FAXDC2: variants seen among roughly 807,000 people sequenced by gnomAD.
FAXDC2 encodes the protein fatty acid hydroxylase domain-containing protein 2.
FAXDC2 carries 41 observed loss-of-function variants against 40.9 expected under a neutral mutation model. That is an observed-to-expected ratio of 1.00 (90% CI 0.78 to 1.30). The LOEUF (loss-of-function observed/expected upper bound fraction) is 1.30. FAXDC2 is among the 50% of genes most tolerant of loss of function. The pLI, the probability that FAXDC2 is intolerant of heterozygous loss-of-function variation, is 0.00. For missense variants in FAXDC2, 390 were observed against 408.8 expected (o/e 0.95, Z 0.40); for synonymous variants, 157 against 149.3 (o/e 1.05, Z -0.38).
At chr5:154,826,546 A>G (rs1311100730) in intron 5 of FAXDC2, among the ~76,000 whole-genome samples, 1 of 149,658 alleles carries the variant, frequency 6.7e-6, no homozygotes, top group East Asian at 1.9e-4. Context: ...AAAAAAAAAA[A>G]GAAAAGAAAA....
At position 154,831,007 on chromosome 5, in the gene FAXDC2, T is replaced by C. The variant is rs1007470184; in HGVS notation, c.245-85A>G. 3 of 1,517,704 alleles carry C rather than the reference T, an allele frequency of 2.0e-6. No homozygotes were observed. In the African/African-American group the frequency reaches 4.1e-5, roughly 21 times the overall value. The allele number at this position is 1,517,704 out of a possible 1,614,324, so 94.0% of individuals were successfully genotyped here. On this transcript the variant is annotated intron_variant, in intron 4 of 8. Transcript: ENST00000326080. ...ACAGAACATACTTTTTTGTGGTGAC[T>C]GAGGCTTCATCCTAGACATTTCTTT...
intron 5 of FAXDC2, among the ~76,000 whole-genome samples, chr5:154,827,759 A>G (rs2113134048): frequency 6.6e-6 from 1 of 151,922 alleles, no homozygotes; most frequent in South Asian, 2.1e-4. Flanking sequence ...TGTTGCCCAG[A>G]CTGGTCTCAA....
chr5:154,847,014 A>G (rs1760615946), intron 1 of FAXDC2, among the ~76,000 whole-genome samples: 1 of 151,996 alleles, frequency 6.6e-6, no homozygotes, highest in Non-Finnish European at 1.5e-5. Context: ...CCGAGACTGA[A>G]GTACAATGGC....
chr5:154,834,835 C>T lies in FAXDC2; in HGVS notation c.140+8G>A, dbSNP rs776900436. ...ACACTGCACCCTAGCTGGGTGGAGC[C>T]GACTTACCATGTCACTGAGTTCCAG... On this transcript the variant is annotated splice_region_variant and intron_variant, in intron 3 of 8. Transcript: ENST00000326080. 1.9e-5 allele frequency: 31 copies of T among 1,609,008 alleles called. No individual in the cohort carries two copies. The highest frequency in any genetic ancestry group is 1.6e-4 in the Middle Eastern group (1 of 6,080).
At chr5:154,823,314 TCA>T in intron 6 of FAXDC2, 71 bp downstream of exon 6, 1 of 1,428,940 alleles carries the variant, frequency 7.0e-7, no homozygotes, top group South Asian at 1.2e-5. Flanking sequence ...GCACCTGGCC[TCA>T]GTTTCCTTGT....
chr5:154,846,287 T>TGTGTGC (rs1554094795), intron 1 of FAXDC2, among the ~76,000 whole-genome samples: 1 of 151,990 alleles, frequency 6.6e-6, no homozygotes, highest in East Asian at 1.9e-4. Flanking sequence ...TGTGTGTGTG[T>TGTGTGC]GTGTGTGTGT....
chr5:154,841,532 G>T (rs1760474300), intron 1 of FAXDC2, among the ~76,000 whole-genome samples: 1 of 152,070 alleles, frequency 6.6e-6, no homozygotes, highest in African/African-American at 2.4e-5. Flanking sequence ...CCACAACTAG[G>T]ACAACAGACA....
intron 1 of FAXDC2, among the ~76,000 whole-genome samples, chr5:154,848,242 G>T (rs529716133): frequency 6.6e-6 from 1 of 152,126 alleles, no homozygotes; most frequent in East Asian, 1.9e-4. Context: ...TACTCTTAGA[G>T]GGGGGAGAAA....
At chr5:154,828,701 A>C (rs1582525377) in intron 5 of FAXDC2, among the ~76,000 whole-genome samples, 2 of 151,200 alleles carry the variant, frequency 1.3e-5, no homozygotes, top group East Asian at 2.0e-4. Flanking sequence ...GGTTCAAGTG[A>C]TCCTCCTGCC....
chr5:154,828,772 AT>A (rs1008185827), intron 5 of FAXDC2, among the ~76,000 whole-genome samples: 22 of 150,546 alleles, frequency 1.5e-4, no homozygotes, highest in African/African-American at 5.1e-4. Flanking sequence ...AATTAAAATA[AT>A]TTTTTTTGTA....
chr5:154,847,587 A>G lies in FAXDC2; in HGVS notation c.-1+2896T>C, dbSNP rs576700973. Among the ~76,000 whole-genome samples the G allele has an allele frequency of 8.1e-5, 12 of 148,194 alleles. No homozygotes were observed. The South Asian group carries it at 2.5e-3, about 31-fold the overall frequency. On this transcript the variant is annotated intron_variant, in intron 1 of 8. Transcript: ENST00000326080. ...ACTGCAGCCTCTGCCTCCCGGGTTC[A>G]AGCGATTCTCCTGCCTCAGCCTCCT...
At chr5:154,831,431 T>C (rs564773225) in intron 4 of FAXDC2, 1 of 151,960 alleles carries the variant, frequency 6.6e-6, no homozygotes, top group Admixed American at 6.6e-5. Flanking sequence ...AAACTCATCG[T>C]TGTTTTTTTT....
At chr5:154,839,362 G>T (rs904876811) in intron 1 of FAXDC2, among the ~76,000 whole-genome samples, 1 of 151,706 alleles carries the variant, frequency 6.6e-6, no homozygotes, top group Non-Finnish European at 1.5e-5. Flanking sequence ...TACGTCTGAG[G>T]CTGGGTGCAG....
At chr5:154,824,798 T>G (rs1759980431) in intron 5 of FAXDC2, 1 of 476,964 alleles carries the variant, frequency 2.1e-6, no homozygotes, top group Non-Finnish European at 3.8e-6. Flanking sequence ...TATAAAAACA[T>G]ATATATCAGG....
chr5:154,821,150 C>T, intron 8 of FAXDC2, 110 bp downstream of exon 8: 1 of 922,590 alleles, frequency 1.1e-6, no homozygotes, highest in Non-Finnish European at 1.7e-6. Context: ...GACCTCTTCC[C>T]CAACTAGCAC....
chr5:154,844,418 T>C (rs920840958), intron 1 of FAXDC2, among the ~76,000 whole-genome samples: 1 of 150,668 alleles, frequency 6.6e-6, no homozygotes, highest in East Asian at 1.9e-4. Flanking sequence ...CAAGTACATA[T>C]AGAGACTGAG....
chr5:154,825,090 C>G (rs1342778723), intron 5 of FAXDC2, among the ~76,000 whole-genome samples: 2 of 148,072 alleles, frequency 1.4e-5, no homozygotes, highest in African/African-American at 5.0e-5. Flanking sequence ...AAGGGCCAGT[C>G]GCTGTGGCTT....
intron 1 of FAXDC2, among the ~76,000 whole-genome samples, chr5:154,847,416 G>T (rs1474189350): frequency 1.3e-5 from 2 of 152,020 alleles, no homozygotes; most frequent in African/African-American, 4.8e-5. Flanking sequence ...AAGGAATACA[G>T]ACGGTTTAAT....
rs1376181434 is a variant in FAXDC2, at chr5:154,819,395, C to T, written c.*921G>A. 2 of 152,078 alleles carry T rather than the reference C, an allele frequency of 1.3e-5. No individual in the cohort carries two copies. Among genetic ancestry groups the T allele is most frequent in the Non-Finnish European group, 2.9e-5 (2 of 68,008 alleles). 9.4% of individuals were successfully genotyped at this position (152,078 alleles called of 1,614,324 possible). A position where few individuals can be genotyped will look rare whatever the true frequency, so the allele number is the denominator to read the frequency against. ...CATTCGGGGGAGAAAGGATTTTGCT[C>T]TTTGCTCTGCCATGTTTTTCCGGGC... is the stretch of plus-strand genomic sequence containing the variant. On this transcript the variant is annotated 3_prime_UTR_variant, in exon 9 of 9. Coordinates refer to ENST00000326080, the MANE Select transcript of FAXDC2 (RefSeq NM_032385.5).
Sources: allele counts gnomAD v4.1 joint callset (sites outside exome capture counted in the v4.1 genomes callset), GRCh38; gene constraint gnomAD v4.1.1; transcripts MANE v1.5; gene names NCBI Gene and HGNC (gene_info 2026-07-23, HGNC 2026-07-21).